UROS: variants seen among roughly 807,000 people sequenced by gnomAD.
The protein encoded by UROS is uroporphyrinogen-III synthase.
In UROS, 18 loss-of-function variants were observed where a neutral mutation model predicts 33.0. That is an observed-to-expected ratio of 0.55 (90% CI 0.38 to 0.81). The LOEUF is 0.81. Ranked by LOEUF, UROS falls within the 30% of genes least tolerant of loss-of-function variation. The pLI is 0.00. For synonymous variants in UROS, 114 were observed against 121.1 expected (o/e 0.94, Z 0.38); for missense variants, 293 against 314.9 (o/e 0.93, Z 0.53).
intron 9 of UROS, among the ~76,000 whole-genome samples, chr10:125,794,602 T>A (rs375544480): frequency 2.7e-4 from 41 of 152,262 alleles, no homozygotes; most frequent in African/African-American, 8.7e-4. Flanking sequence ...AATTCCCTCA[T>A]GTAATCCTGA....
In UROS at chr10:125,819,622, C is replaced by T. The variant is rs142985469; in HGVS notation, c.-26-3097G>A. On this transcript the variant is annotated intron_variant, in intron 1 of 9. Transcript: ENST00000368797. ...TCTTAGCTCACTCTGGTGGGTGGCT[C>T]ATGGGAGTGGGAAGGACCCTAGGGT... is the stretch of plus-strand genomic sequence containing the variant. 2.6e-3 allele frequency: 390 copies of T among 152,442 alleles called. 4 individuals are homozygous for T. Among genetic ancestry groups the T allele is most frequent in the Middle Eastern group, 0.017 (6 of 350 alleles). The allele number at this position is 152,442 out of a possible 1,614,324, so 9.4% of individuals were successfully genotyped here. A position where few individuals can be genotyped will look rare whatever the true frequency, so the allele number is the denominator to read the frequency against.
chr10:125,807,135 G>A (rs958630038), intron 6 of UROS: 16 of 448,112 alleles, frequency 3.6e-5, no homozygotes, highest in African/African-American at 3.2e-4. Flanking sequence ...AATCCCTCAA[G>A]TGATCTCTCC....
intron 4 of UROS, 33 bp downstream of exon 4, chr10:125,815,001 G>C (rs747233392): frequency 6.2e-7 from 1 of 1,606,926 alleles, no homozygotes; most frequent in Admixed American, 1.7e-5. Context: ...GTAAATAAAT[G>C]TCCAGTGGAA....
intron 5 of UROS, among the ~76,000 whole-genome samples, chr10:125,808,647 A>G (rs532692725): frequency 6.6e-6 from 1 of 152,370 alleles, no homozygotes; most frequent in African/African-American, 2.4e-5. Flanking sequence ...ATTAACTCTC[A>G]TATATAGCTT....
intron 6 of UROS, among the ~76,000 whole-genome samples, chr10:125,806,762 G>A (rs528902673): frequency 1.3e-5 from 2 of 152,276 alleles, no homozygotes; most frequent in South Asian, 2.1e-4. Context: ...AAGAGCTTGC[G>A]GTTGTACTGG....
chr10:125,804,452 A>C (rs1041947429), intron 6 of UROS, among the ~76,000 whole-genome samples: 14 of 152,312 alleles, frequency 9.2e-5, no homozygotes, highest in African/African-American at 3.4e-4. Flanking sequence ...AGTACACATA[A>C]GTGTTTCCCT....
At position 125,794,956 on chromosome 10, in the gene UROS, A is replaced by C; in HGVS notation, c.584T>G (p.Phe195Cys). Reference sequence around the variant, plus strand: ...GTATGTGAGGCCAGAGGGACTAAAAAATGTGATGCTGGCTGGAACCCCCTG... The same window carrying C: ...GTATGTGAGGCCAGAGGGACTAAAACATGTGATGCTGGCTGGAACCCCCTG... ...SQQGVPASIT[F>C]FSPSGLTYSL... The change falls in exon 9 of 10, where the codon TTT becomes TGT. Residue 195 changes from phenylalanine to cysteine, a missense_variant. Coordinates refer to ENST00000368797, the MANE Select transcript of UROS (RefSeq NM_000375.3). 1.9e-6 allele frequency: 3 copies of C among 1,614,240 alleles called. No homozygotes were observed. The highest frequency in any genetic ancestry group is 1.7e-5 in the Admixed American group (1 of 60,028).
chr10:125,822,093 AC>A (rs749395714), intron 1 of UROS, among the ~76,000 whole-genome samples: 4 of 151,252 alleles, frequency 2.6e-5, no homozygotes, highest in Admixed American at 1.3e-4. Flanking sequence ...TATCCAACCC[AC>A]CCCCCTCATT....
At chr10:125,789,380 T>C in intron 9 of UROS, 2 of 1,175,634 alleles carry the variant, frequency 1.7e-6, no homozygotes, top group Middle Eastern at 2.3e-4. Flanking sequence ...AAGGGGAGGA[T>C]GGTGTGGCAG....
At position 125,794,985 on chromosome 10, in the gene UROS, G is replaced by A. The variant is rs760310461; in HGVS notation, c.562-7C>T. 6.2e-7 allele frequency: 1 copy of A among 1,612,008 alleles called. No individual in the cohort carries two copies. The highest frequency in any genetic ancestry group is 1.1e-5 in the South Asian group (1 of 91,042). ...TGATGCTGGCTGGAACCCCCTGTGG[G>A]GAACAGAAAACAAGATCAGTCCTTG... On this transcript the variant is annotated splice_polypyrimidine_tract_variant and splice_region_variant and intron_variant, in intron 8 of 9. Transcript: ENST00000368797.
At position 125,807,293 on chromosome 10, in the gene UROS, T is replaced by C. The variant is rs933819392; in HGVS notation, c.394+120A>G. 32 of 873,568 alleles carry C rather than the reference T, an allele frequency of 3.7e-5. No individual in the cohort carries two copies. The East Asian group carries it at 8.3e-4, about 23-fold the overall frequency. The allele number at this position is 873,568 out of a possible 1,614,324, so 54.1% of individuals were successfully genotyped here. ...TATGCTCCCAGAGTGGGTTATACGA[T>C]GCTCACCAATCAATCTCACCACCAA... On this transcript the variant is annotated intron_variant, in intron 6 of 9. Transcript: ENST00000368797.
At chr10:125,811,840 T>C (rs1449596984) in intron 5 of UROS, among the ~76,000 whole-genome samples, 1 of 151,824 alleles carries the variant, frequency 6.6e-6, no homozygotes, top group Non-Finnish European at 1.5e-5. Flanking sequence ...TATCTGGAGA[T>C]TTAGGCTTTT....
At chr10:125,798,031 G>C (rs758781233) in intron 7 of UROS, 34 bp downstream of exon 7, 1 of 1,610,554 alleles carries the variant, frequency 6.2e-7, no homozygotes, top group African/African-American at 1.3e-5. Flanking sequence ...GGATCCCAAA[G>C]TGGTAAGGGA....
chr10:125,812,319 A>C, intron 4 of UROS, 31 bp from the exon 5 acceptor site: 1 of 1,606,396 alleles, frequency 6.2e-7, no homozygotes, highest in South Asian at 1.1e-5. Context: ...TGTGAATTGC[A>C]AATACCAAAG....
chr10:125,802,510 C>T (rs1314487559), intron 6 of UROS: 1 of 989,382 alleles, frequency 1.0e-6, no homozygotes, highest in Non-Finnish European at 1.2e-6. Context: ...TTTGAATTGG[C>T]CTCCAGAGGG....
intron 5 of UROS, among the ~76,000 whole-genome samples, chr10:125,809,488 A>G (rs1490143833): frequency 1.3e-5 from 2 of 152,250 alleles, no homozygotes; most frequent in African/African-American, 4.8e-5. Flanking sequence ...CAAGTACAGT[A>G]AGTCCTCACT....
downstream of UROS, chr10:125,788,443 T>A (rs1850695932): frequency 1.5e-6 from 1 of 669,324 alleles, no homozygotes; most frequent in African/African-American, 1.9e-5. Context: ...GTCCTTTTTA[T>A]AGAATGAATA....
Position 125,796,088 on chromosome 10 carries a change from C to G in UROS, c.561+15G>C. On this transcript the variant is annotated intron_variant, in intron 8 of 9. Coordinates refer to ENST00000368797, the MANE Select transcript of UROS (RefSeq NM_000375.3). Reference sequence around the variant, plus strand: ...GGCACCCACCCTGCCAGAACCGCCCCCAAACGCCACGTACCTGCTGGGAAT... The same window carrying G: ...GGCACCCACCCTGCCAGAACCGCCCGCAAACGCCACGTACCTGCTGGGAAT... 3.1e-6 allele frequency: 5 copies of G among 1,614,046 alleles called. No homozygotes were observed. Among genetic ancestry groups the G allele is most frequent in the Non-Finnish European group, 4.2e-6 (5 of 1,180,012 alleles).
chr10:125,822,830 C>T (rs1048579461), intron 1 of UROS, among the ~76,000 whole-genome samples, 199 bp downstream of exon 1: 3 of 152,208 alleles, frequency 2.0e-5, no homozygotes, highest in Non-Finnish European at 2.9e-5. Flanking sequence ...GCTCCAGAAG[C>T]TCGGCGAGGG....
Sources: allele counts gnomAD v4.1 joint callset (sites outside exome capture counted in the v4.1 genomes callset), GRCh38; gene constraint gnomAD v4.1.1; transcripts MANE v1.5; gene names NCBI Gene and HGNC (gene_info 2026-07-23, HGNC 2026-07-21).